Variants in FBXL2 observed in about 807,000 individuals in gnomAD.
FBXL2 encodes the protein F-box/LRR-repeat protein 2.
FBXL2 carries 38 observed loss-of-function variants against 69.2 expected under a neutral mutation model. That is an observed-to-expected ratio of 0.55 (90% confidence interval 0.42 to 0.72). The LOEUF (loss-of-function observed/expected upper bound fraction) is 0.72. FBXL2 is among the 30% of genes least tolerant of loss of function. The probability of loss-of-function intolerance (pLI) is 0.00; values close to 1 mark genes in which losing one functional copy is unlikely to be tolerated. For synonymous variants in FBXL2, 192 were observed against 201.3 expected (o/e 0.95, Z 0.39); for missense variants, 354 against 520.3 (o/e 0.68, Z 3.11).
intron 2 of FBXL2, among the ~76,000 whole-genome samples, chr3:33,306,949 T>A (rs1370835315): frequency 1.3e-5 from 2 of 152,178 alleles, no homozygotes; most frequent in Non-Finnish European, 2.9e-5. Flanking sequence ...CAGTTCTATT[T>A]GAGTGCCTAG....
chr3:33,284,597 T>C (rs574697048), intron 1 of FBXL2, among the ~76,000 whole-genome samples: 1 of 152,316 alleles, frequency 6.6e-6, no homozygotes, highest in South Asian at 2.1e-4. Context: ...TTCCTGGATA[T>C]CCTTGTTAAC....
the FBXL2 span, among the ~76,000 whole-genome samples, chr3:33,410,098 T>A: frequency 1.3e-5 from 2 of 152,214 alleles, no homozygotes; most frequent in Admixed American, 1.3e-4. Flanking sequence ...TGGGGAAATT[T>A]TACAGTCCAG....
chr3:33,340,207 G>A (rs1408383165), intron 2 of FBXL2, among the ~76,000 whole-genome samples: 1 of 152,062 alleles, frequency 6.6e-6, no homozygotes, highest in Non-Finnish European at 1.5e-5. Flanking sequence ...TGAGATAGTG[G>A]TATTATAAGT....
chr3:33,394,817 G>GTTTTTT (rs76142927), intron 12 of FBXL2, among the ~76,000 whole-genome samples: 1 of 110,440 alleles, frequency 9.1e-6, no homozygotes. Context: ...CCCTCCACTT[G>GTTTTTT]TTTTTTTTTT....
chr3:33,370,412 C>T lies in FBXL2; in HGVS notation c.291-2680C>T, dbSNP rs1206994742. Among the ~76,000 whole-genome samples the T allele has an allele frequency of 4.9e-4, 51 of 103,920 alleles. No individual in the cohort carries two copies. The East Asian group carries it at 0.022, about 44-fold the overall frequency. 68.2% of individuals were successfully genotyped at this position (103,920 alleles called of 152,430 possible). On this transcript the variant is annotated intron_variant, in intron 5 of 14. Transcript: ENST00000484457. ...CAGCCTGGGTGACAGAGCGAGACTC[C>T]GTCTCAAAAAAAAAAAAAAATTGCT...
chr3:33,340,591 A>T (rs2039940164), intron 2 of FBXL2, among the ~76,000 whole-genome samples: 1 of 150,774 alleles, frequency 6.6e-6, no homozygotes, highest in Non-Finnish European at 1.5e-5. Flanking sequence ...AAAAAAAAAA[A>T]AAAAAAAAGA....
At chr3:33,419,583 G>A in the FBXL2 span, among the ~76,000 whole-genome samples, 2 of 148,684 alleles carry the variant, frequency 1.3e-5, no homozygotes, top group Non-Finnish European at 3.0e-5. Context: ...AGCCGAGATC[G>A]CGCCATTGCA....
chr3:33,396,131 G>A (rs1169739912), intron 12 of FBXL2: 2 of 1,512,968 alleles, frequency 1.3e-6, no homozygotes, highest in East Asian at 2.3e-5. Flanking sequence ...AGTCTCAGAA[G>A]TGACAGAATT....
rs116728673 is a variant in FBXL2 at position 33,362,758 on chromosome 3, A to G, written c.196-1867A>G. Among the ~76,000 whole-genome samples, 1,052 of 152,138 alleles carry G rather than the reference A, an allele frequency of 6.9e-3. 15 individuals are homozygous for G. Among genetic ancestry groups the G allele is most frequent in the African/African-American group, 0.023 (961 of 41,506 alleles). On this transcript the variant is annotated intron_variant, in intron 4 of 14. Coordinates refer to ENST00000484457, the MANE Select transcript of FBXL2 (RefSeq NM_012157.5). Reference sequence around the variant, plus strand: ...TTACTAACTTGAAATGGAGAAGAGTATATTAGGTGCTCTATTTGTAGACAT... The same window carrying G: ...TTACTAACTTGAAATGGAGAAGAGTGTATTAGGTGCTCTATTTGTAGACAT...
At chr3:33,313,729 G>A (rs1232826376) in intron 2 of FBXL2, among the ~76,000 whole-genome samples, 1 of 151,794 alleles carries the variant, frequency 6.6e-6, no homozygotes, top group Non-Finnish European at 1.5e-5. Flanking sequence ...TTATAGACAT[G>A]AACCACTGCA....
chr3:33,392,567 T>C (rs17854431), downstream of FBXL2: 1 of 1,611,534 alleles, frequency 6.2e-7, no homozygotes, highest in Non-Finnish European at 8.5e-7. Flanking sequence ...AAGTACCTTT[T>C]ACTGTGGAGA....
At chr3:33,371,215 AGT>A (rs2042281956) in intron 5 of FBXL2, among the ~76,000 whole-genome samples, 1 of 145,082 alleles carries the variant, frequency 6.9e-6, no homozygotes, top group Admixed American at 7.1e-5. Context: ...CCCAGGCTAG[AGT>A]GTAGTGGTGT....
intron 10 of FBXL2, 109 bp downstream of exon 10, chr3:33,375,527 A>C (rs1436577003): frequency 7.7e-7 from 1 of 1,305,248 alleles, no homozygotes; most frequent in Non-Finnish European, 1.1e-6. Flanking sequence ...TGGAGGCAGT[A>C]GTTATGTTGT....
chr3:33,281,658 C>A (rs185206383), intron 1 of FBXL2, among the ~76,000 whole-genome samples: 1 of 152,164 alleles, frequency 6.6e-6, no homozygotes, highest in Non-Finnish European at 1.5e-5. Flanking sequence ...TACAGTCACA[C>A]GAACAGTGTA....
At chr3:33,407,349 C>G (rs2044453737), downstream of FBXL2, among the ~76,000 whole-genome samples, 1 of 152,090 alleles carries the variant, frequency 6.6e-6, no homozygotes, top group South Asian at 2.1e-4. Context: ...ATTACCAGAA[C>G]CTACTTCTTT....
chr3:33,395,990 C>T (rs1480593901), intron 12 of FBXL2, among the ~76,000 whole-genome samples: 1 of 152,180 alleles, frequency 6.6e-6, no homozygotes, highest in Non-Finnish European at 1.5e-5. Context: ...TTCCTCTTCT[C>T]CCAAGGACTT....
chr3:33,313,338 A>G (rs2037384724), intron 2 of FBXL2, among the ~76,000 whole-genome samples: 1 of 152,160 alleles, frequency 6.6e-6, no homozygotes. Flanking sequence ...TGGTGGTTAC[A>G]TAACCTTTCC....
At chr3:33,418,860 CAA>C in the FBXL2 span, among the ~76,000 whole-genome samples, 13,457 of 77,054 alleles carry the variant, frequency 0.17, 731 homozygotes, top group African/African-American at 0.28. Context: ...ACTCTGTCTC[CAA>C]AAAAAAAAAA....
chr3:33,280,704 C>A, intron 1 of FBXL2, among the ~76,000 whole-genome samples: 1 of 138,516 alleles, frequency 7.2e-6, no homozygotes, highest in South Asian at 2.4e-4. Flanking sequence ...CAGAGCAAGG[C>A]CCTGTATCCA....
Sources: gnomAD v4.1 joint callset for allele counts (sites outside exome capture counted in the v4.1 genomes callset) on GRCh38, gnomAD v4.1.1 for gene constraint, MANE v1.5 for transcripts, NCBI Gene and HGNC (gene_info 2026-07-23, HGNC 2026-07-21) for gene names.